The following FAM98C variants were observed in gnomAD, a reference collection of about 807,000 sequenced individuals.
FAM98C encodes tRNA splicing ligase complex subunit 3C, also known as protein FAM98C.
In FAM98C, 38 loss-of-function variants were observed where a neutral mutation model predicts 41.1. The observed-to-expected ratio is 0.92, with a 90% confidence interval of 0.71 to 1.21. FAM98C has a LOEUF of 1.21. Among genes scored for constraint, FAM98C ranks in the 50% most tolerant of loss-of-function variants. FAM98C has a pLI of 0.00. For missense variants in FAM98C, 493 were observed against 484.7 expected (o/e 1.02, Z -0.16); for synonymous variants, 195 against 216.7 (o/e 0.90, Z 0.88).
At chr19:38,405,153 C>T in intron 4 of FAM98C, 40 bp downstream of exon 4, 2 of 1,581,554 alleles carry the variant, frequency 1.3e-6, no homozygotes, top group Non-Finnish European at 1.7e-6. Flanking sequence ...GGCTACCCCA[C>T]TTTCCTTGTG....
At chr19:38,404,829 A>T in intron 3 of FAM98C, 79 bp from the exon 4 acceptor site, 1 of 1,522,198 alleles carries the variant, frequency 6.6e-7, no homozygotes, top group East Asian at 2.3e-5. Flanking sequence ...GCACCCGGCC[A>T]TCAGTGGAGC....
chr19:38,405,581 C>T lies in FAM98C; in HGVS notation c.696C>T (p.Leu232=), dbSNP rs747255664. 6.2e-7 allele frequency: 1 copy of T among 1,614,214 alleles called. No homozygotes were observed. Among genetic ancestry groups the T allele is most frequent in the Non-Finnish European group, 8.5e-7 (1 of 1,180,056 alleles). ...RDQYRCRRCL[L]LKRLDLTTSA... ...AGTACCGCTGCCGCCGCTGCCTCCT[C>T]CTCAAGCGCCTTGACCTCACTACAT... Residue 232 remains leucine, a synonymous_variant, in exon 6 of 8, where the codon CTC becomes CTT. Transcript: ENST00000252530.
chr19:38,404,773 C>T, intron 3 of FAM98C, 135 bp from the exon 4 acceptor site: 2 of 915,144 alleles, frequency 2.2e-6, no homozygotes, highest in South Asian at 1.5e-5. Flanking sequence ...TCGTGATCCG[C>T]CCGCCTCTGC....
At position 38,403,223 on chromosome 19, in the gene FAM98C, A is replaced by C; in HGVS notation, c.65+5A>C. 1 of 1,559,700 alleles carries C rather than the reference A, an allele frequency of 6.4e-7. No homozygotes were observed. The highest frequency in any genetic ancestry group is 1.9e-5 in the Admixed American group (1 of 52,070). ...CCAGGACCTGCTGGCTCTGGGGTAA[A>C]AGGGTGTGCGGTGAGGCTGGTGGGT... On this transcript the variant is annotated splice_donor_5th_base_variant and intron_variant, in intron 1 of 7. Transcript: ENST00000252530.
chr19:38,406,962 C>T lies in FAM98C; in HGVS notation c.803C>T (p.Thr268Ile), dbSNP rs746102252. 21 of 1,614,076 alleles carry T rather than the reference C, an allele frequency of 1.3e-5. No homozygotes were observed. The South Asian group carries it at 2.3e-4, about 18-fold the overall frequency. Residue 268 changes from threonine to isoleucine, a missense_variant, in exon 7 of 8, where the codon ACC (threonine) becomes ATC (isoleucine). Physicochemically the swap from Thr to Ile is moderately conservative, Grantham distance 89. Transcript: ENST00000252530. ...AVLIPIREVL[T>I]PESDISIAHV... ...CTGATCCCAATTCGAGAGGTTCTGA[C>T]CCCAGAATCGGACATCTCCATTGCA...
chr19:38,407,361 T>G (rs1418334396), intron 7 of FAM98C: 1 of 395,832 alleles, frequency 2.5e-6, no homozygotes, highest in African/African-American at 2.0e-5. Flanking sequence ...CACTACCTAT[T>G]TGTTGTTTTT....
chr19:38,406,827 T>C, intron 6 of FAM98C, 83 bp from the exon 7 acceptor site: 1 of 1,420,870 alleles, frequency 7.0e-7, no homozygotes, highest in Non-Finnish European at 9.8e-7. Context: ...AGGTCTTGAA[T>C]GGTAAAGTAA....
rs1971050332 is a variant in FAM98C at position 38,407,059 on chromosome 19, C to T, written c.900C>T (p.Thr300=). ...CCAGCGTGGCTGTCCGCAGAGGGAC[C>T]TGCTGTGCCATCAACAAGGTGGGCA... The part of the protein sequence containing the change: ...PATSVAVRRG[T]CCAINKVLMG... Residue 300 remains threonine (T), a synonymous_variant, in exon 7 of 8, where the codon ACC becomes ACT. Coordinates refer to ENST00000252530, the MANE Select transcript of FAM98C (RefSeq NM_174905.4). The T allele has an allele frequency of 1.2e-6, 2 of 1,613,910 alleles. No individual in the cohort carries two copies. Among genetic ancestry groups the T allele is most frequent in the Non-Finnish European group, 1.7e-6 (2 of 1,179,914 alleles).
chr19:38,406,653 G>A (rs969895137), intron 6 of FAM98C: 10 of 388,974 alleles, frequency 2.6e-5, no homozygotes, highest in African/African-American at 1.2e-4. Flanking sequence ...GCATGGTGGC[G>A]CATGCTTGTC....
rs1970994151 is a variant in FAM98C at position 38,403,444 on chromosome 19, C to G, written c.172C>G (p.Gln58Glu). The G allele has an allele frequency of 1.4e-6, 2 of 1,415,248 alleles. No homozygotes were observed. Among genetic ancestry groups the G allele is most frequent in the African/African-American group, 3.0e-5 (2 of 66,188 alleles). 87.7% of individuals were successfully genotyped at this position (1,415,248 alleles called of 1,614,324 possible). Reference sequence around the variant, plus strand: ...GCTGGCGACGCTGGGCGCCCTCGAGCAGCAGCGAGAGGCGGGCGCGGAGGT... The same window carrying G: ...GCTGGCGACGCTGGGCGCCCTCGAGGAGCAGCGAGAGGCGGGCGCGGAGGT... ...AELATLGALE[Q>E]QREAGAEVLS... Residue 58 changes from glutamine to glutamate, a missense_variant, in exon 2 of 8, where the codon CAG (glutamine) becomes GAG (glutamate). By Grantham distance (29) the Gln-to-Glu change is conservative. Transcript: ENST00000252530.
chr19:38,403,773 TC>T, intron 3 of FAM98C, 79 bp downstream of exon 3: 2 of 1,341,876 alleles, frequency 1.5e-6, no homozygotes, highest in Non-Finnish European at 1.9e-6. Flanking sequence ...AAATCGAGGT[TC>T]CCAAGGGGTG....
intron 7 of FAM98C, chr19:38,407,311 C>G: frequency 2.0e-6 from 1 of 503,690 alleles, no homozygotes; most frequent in Admixed American, 3.2e-5. Flanking sequence ...TCCCTGGCTA[C>G]TTCTCCAGCT....
chr19:38,403,268 C>T, intron 1 of FAM98C, 50 bp downstream of exon 1: 1 of 1,530,682 alleles, frequency 6.5e-7, no homozygotes, highest in South Asian at 1.2e-5. Flanking sequence ...CCAGGTCTGC[C>T]CCCTGGACGC....
At position 38,408,910 on chromosome 19, in the gene FAM98C, G is replaced by T. The variant is rs1971100928; in HGVS notation, c.*28G>T. On this transcript the variant is annotated 3_prime_UTR_variant, in exon 8 of 8. Transcript: ENST00000252530. ...GGGGACTGGTGGTCGGGGGCGGGGGGTCCTCCATGAGATGCTAATGCTATC... is the reference window on the plus strand; with the variant it reads ...GGGGACTGGTGGTCGGGGGCGGGGGTTCCTCCATGAGATGCTAATGCTATC... 3 of 1,539,144 alleles carry T rather than the reference G, an allele frequency of 1.9e-6. No homozygotes were observed. Among genetic ancestry groups the T allele is most frequent in the Admixed American group, 2.2e-5 (1 of 46,314 alleles).
intron 6 of FAM98C, chr19:38,406,599 G>A (rs1470887582): frequency 4.1e-6 from 1 of 244,206 alleles, no homozygotes; most frequent in Non-Finnish European, 8.2e-6. Context: ...AACATAGCAA[G>A]ACCCCCGTCT....
chr19:38,405,137 G>A (rs754884646), intron 4 of FAM98C, 24 bp downstream of exon 4: 29 of 1,593,670 alleles, frequency 1.8e-5, no homozygotes, highest in Non-Finnish European at 2.5e-5. Flanking sequence ...GTCCCCTCCC[G>A]ACCTGGGCTA....
rs760741900 is a variant in FAM98C, at chr19:38,403,146, A to G, written c.-8A>G. On this transcript the variant is annotated 5_prime_UTR_variant, in exon 1 of 8. Transcript: ENST00000252530. ...GGCCGCCAGGGGGCGCGCCGAGACC[A>G]CACTTTCATGGAGGCGGTGAAGGCG... 20 of 1,522,862 alleles carry G rather than the reference A, an allele frequency of 1.3e-5. No individual in the cohort carries two copies. In the East Asian group the frequency reaches 5.0e-4, roughly 38 times the overall value. 94.3% of individuals were successfully genotyped at this position (1,522,862 alleles called of 1,614,324 possible). A position where few individuals can be genotyped will look rare whatever the true frequency, so the allele number is the denominator to read the frequency against.
In FAM98C at chr19:38,405,503, A is replaced by G. The variant is rs753779056; in HGVS notation, c.634-16A>G. 3 of 1,614,136 alleles carry G rather than the reference A, an allele frequency of 1.9e-6. No homozygotes were observed. Among genetic ancestry groups the G allele is most frequent in the Non-Finnish European group, 2.5e-6 (3 of 1,180,008 alleles). On this transcript the variant is annotated splice_polypyrimidine_tract_variant and intron_variant, in intron 5 of 7. Transcript: ENST00000252530. ...GAGAGGGACCCCTAGCCTGACCTTG[A>G]GACCTTTTCTCCCAGGAAGCGTTGG...
Position 38,403,494 on chromosome 19 carries a change from C to A in FAM98C, c.214+8C>A. 7.1e-7 allele frequency: 1 copy of A among 1,409,460 alleles called. No individual in the cohort carries two copies. The highest frequency in any genetic ancestry group is 9.2e-7 in the Non-Finnish European group (1 of 1,091,856). The allele number at this position is 1,409,460 out of a possible 1,614,324, so 87.3% of individuals were successfully genotyped here. ...TGCTGAGCGCCGGCGACGGTAAACA[C>A]GGAGCGGGAGGGTGGCAGGGGGGCC... On this transcript the variant is annotated splice_region_variant and intron_variant, in intron 2 of 7. Coordinates refer to ENST00000252530, the MANE Select transcript of FAM98C (RefSeq NM_174905.4).
Sources: allele counts gnomAD v4.1 joint callset, GRCh38; gene constraint gnomAD v4.1.1; transcripts MANE v1.5; gene names NCBI Gene and HGNC (gene_info 2026-07-23, HGNC 2026-07-21).